TBCA: variants seen among roughly 807,000 people sequenced by gnomAD.
The protein encoded by TBCA is tubulin-specific chaperone A.
In TBCA, 6 loss-of-function variants were observed where a neutral mutation model predicts 15.8. The ratio of observed to expected loss-of-function variants is 0.38; its 90% confidence interval spans 0.21 to 0.75. The LOEUF (loss-of-function observed/expected upper bound fraction) is 0.75, where lower values mean the gene tolerates loss of function less well. Ranked by LOEUF, TBCA falls within the 30% of genes least tolerant of loss-of-function variation. The pLI is 0.46. For synonymous variants in TBCA, 32 were observed against 42.3 expected (o/e 0.76, Z 0.94); for missense variants, 90 against 131.2 (o/e 0.69, Z 1.53).
At chr5:77,743,715 T>C (rs760287304) in intron 1 of TBCA, among the ~76,000 whole-genome samples, 6 of 152,154 alleles carry the variant, frequency 3.9e-5, no homozygotes, top group Non-Finnish European at 8.8e-5. Flanking sequence ...CTGGGGCCCT[T>C]AGTTAATTAT....
intron 1 of TBCA, among the ~76,000 whole-genome samples, chr5:77,752,343 GT>G (rs778893463): frequency 6.6e-6 from 1 of 151,882 alleles, no homozygotes; most frequent in Non-Finnish European, 1.5e-5. Context: ...ATCCATTTAG[GT>G]TTATCTGTAT....
At chr5:77,771,904 T>C (rs2112521834) in intron 1 of TBCA, among the ~76,000 whole-genome samples, 1 of 152,284 alleles carries the variant, frequency 6.6e-6, no homozygotes, top group African/African-American at 2.4e-5. Context: ...TTGCTCTCAA[T>C]TTCTAGAGAG....
chr5:77,748,589 T>G (rs1747242063), intron 1 of TBCA, among the ~76,000 whole-genome samples: 1 of 152,154 alleles, frequency 6.6e-6, no homozygotes, highest in Admixed American at 6.6e-5. Flanking sequence ...TCTTAAAATT[T>G]ACAATGATGT....
chr5:77,747,681 G>A (rs911668699), intron 1 of TBCA, among the ~76,000 whole-genome samples: 10 of 152,106 alleles, frequency 6.6e-5, no homozygotes, highest in Non-Finnish European at 1.2e-4. Context: ...TATTAGCAAT[G>A]AGCTAGCAAG....
At chr5:77,709,151 T>C (rs1051148021) in intron 1 of TBCA, among the ~76,000 whole-genome samples, 1 of 152,134 alleles carries the variant, frequency 6.6e-6, no homozygotes, top group African/African-American at 2.4e-5. Flanking sequence ...GTTTAACAAG[T>C]ATTTATTGTG....
intron 1 of TBCA, among the ~76,000 whole-genome samples, chr5:77,736,852 T>A (rs1031164029): frequency 6.6e-6 from 1 of 152,256 alleles, no homozygotes; most frequent in Non-Finnish European, 1.5e-5. Context: ...GCAATTAAAT[T>A]GCTTGCACAA....
intron 1 of TBCA, among the ~76,000 whole-genome samples, chr5:77,764,010 T>C (rs1561285051): frequency 1.3e-5 from 2 of 152,174 alleles, no homozygotes; most frequent in South Asian, 2.1e-4. Flanking sequence ...TAAATTGCGG[T>C]ATTATCAAAC....
intron 1 of TBCA, among the ~76,000 whole-genome samples, chr5:77,730,586 G>GT (rs1746745505): frequency 1.3e-5 from 1 of 76,494 alleles, no homozygotes. Flanking sequence ...AGAAATACAT[G>GT]GGAACATCAG....
intron 1 of TBCA, among the ~76,000 whole-genome samples, chr5:77,737,108 AC>A (rs1169575094): frequency 2.6e-5 from 4 of 152,226 alleles, no homozygotes; most frequent in Admixed American, 2.6e-4. Context: ...GTTTGTGTAA[AC>A]CAAGAATTAC....
chr5:77,749,620 T>C (rs148064110), intron 1 of TBCA, among the ~76,000 whole-genome samples: 1 of 152,336 alleles, frequency 6.6e-6, no homozygotes, highest in Non-Finnish European at 1.5e-5. Flanking sequence ...GAACTATAAA[T>C]AGTCAATAGA....
chr5:77,774,521 C>T (rs1349464320), intron 1 of TBCA, among the ~76,000 whole-genome samples: 2 of 152,172 alleles, frequency 1.3e-5, no homozygotes, highest in South Asian at 2.1e-4. Flanking sequence ...GTATTGATTC[C>T]AGGTCTTAAG....
At chr5:77,737,884 T>TA (rs1413517792) in intron 1 of TBCA, among the ~76,000 whole-genome samples, 2 of 152,248 alleles carry the variant, frequency 1.3e-5, no homozygotes, top group Non-Finnish European at 2.9e-5. Flanking sequence ...TAAAATCTCT[T>TA]ATTTCTTTGT....
rs990133911 is a variant in TBCA at position 77,707,444 on chromosome 5, G to A, written c.159+798C>T. On this transcript the variant is annotated intron_variant, in intron 2 of 3. Transcript: ENST00000380377. Reference sequence around the variant, plus strand: ...GGAAGAACAGAAATTAATAAGGAGAGGGTAGGTAAGGCCAGGAGTAAGAGC... The same window carrying A: ...GGAAGAACAGAAATTAATAAGGAGAAGGTAGGTAAGGCCAGGAGTAAGAGC... Among the ~76,000 whole-genome samples, 2 of 152,098 alleles carry A rather than the reference G, an allele frequency of 1.3e-5. 1 individual carries two copies. The highest frequency in any genetic ancestry group is 4.2e-4 in the South Asian group (2 of 4,814).
chr5:77,736,116 C>T (rs962987059), intron 1 of TBCA, among the ~76,000 whole-genome samples: 4 of 152,006 alleles, frequency 2.6e-5, no homozygotes, highest in Non-Finnish European at 4.4e-5. Flanking sequence ...GGGCAGATCA[C>T]GAGGTTAGGA....
chr5:77,752,234 A>G (rs1455786137), intron 1 of TBCA, among the ~76,000 whole-genome samples: 4 of 152,166 alleles, frequency 2.6e-5, no homozygotes, highest in Non-Finnish European at 5.9e-5. Context: ...ATTATACCAT[A>G]TGGTTTAATA....
At chr5:77,702,122 C>G (rs1167232721) in intron 2 of TBCA, among the ~76,000 whole-genome samples, 1 of 152,078 alleles carries the variant, frequency 6.6e-6, no homozygotes, top group East Asian at 1.9e-4. Flanking sequence ...ACCAAAATCT[C>G]AAAAATCACC....
chr5:77,768,130 A>G (rs930441286), intron 1 of TBCA, among the ~76,000 whole-genome samples: 5 of 152,210 alleles, frequency 3.3e-5, no homozygotes, highest in African/African-American at 4.8e-5. Context: ...TGGAACTATA[A>G]GAAATAAATT....
chr5:77,693,199 A>C, intron 3 of TBCA, 67 bp downstream of exon 3: 5 of 1,581,220 alleles, frequency 3.2e-6, no homozygotes, highest in Non-Finnish European at 4.3e-6. Flanking sequence ...AAATATTTAA[A>C]CTTTTGGCTT....
At chr5:77,736,969 TGCTTAAACTAAA>T (rs1746923290) in intron 1 of TBCA, among the ~76,000 whole-genome samples, 1 of 152,222 alleles carries the variant, frequency 6.6e-6, no homozygotes, top group African/African-American at 2.4e-5. Flanking sequence ...TAGTTGTGCC[TGCTTAAACTAAA>T]GGCATATATG....
Sources: gnomAD v4.1 joint callset for allele counts (sites outside exome capture counted in the v4.1 genomes callset) on GRCh38, gnomAD v4.1.1 for gene constraint, MANE v1.5 for transcripts, NCBI Gene and HGNC (gene_info 2026-07-23, HGNC 2026-07-21) for gene names.